Variants in HEMGN observed in about 807,000 individuals in gnomAD.
HEMGN encodes the protein hemogen, also known as erythroid differentiation-associated gene protein.
HEMGN carries 32 observed loss-of-function variants against 45.7 expected under a neutral mutation model. That is an observed-to-expected ratio of 0.70 (90% CI 0.53 to 0.94). The LOEUF (loss-of-function observed/expected upper bound fraction) is 0.94, where lower values mean the gene tolerates loss of function less well. Among genes scored for constraint, HEMGN ranks in the 40% least tolerant of loss-of-function variants. HEMGN has a pLI of 0.00. For missense variants in HEMGN, 530 were observed against 564.2 expected (o/e 0.94, Z 0.61); for synonymous variants, 183 against 178.6 (o/e 1.02, Z -0.20).
upstream of HEMGN, among the ~76,000 whole-genome samples, chr9:97,941,961 C>T (rs897778274): frequency 6.6e-6 from 1 of 152,062 alleles, no homozygotes; most frequent in African/African-American, 2.4e-5. Flanking sequence ...AGTAACTTGG[C>T]CAAGGGCATG....
At position 97,930,578 on chromosome 9, in the gene HEMGN, C is replaced by A. The variant is rs141818371; in HGVS notation, c.817G>T (p.Asp273Tyr). The change falls in exon 3 of 4, where the codon GAC (aspartate) becomes TAC (tyrosine). Residue 273 changes from aspartate to tyrosine, a missense_variant. By Grantham distance (160) the Asp-to-Tyr change is radical. Coordinates refer to ENST00000616898, the MANE Select transcript of HEMGN (RefSeq NM_197978.3). ...KPDVPKGYILDTDQNPAEPEE... is the reference protein window; with the variant it reads ...KPDVPKGYILYTDQNPAEPEE... ...GGTTCTGCTGGATTTTGGTCTGTGT[C>A]AAGAATATAGCCTTTAGGCACATCT... 3 of 1,613,948 alleles carry A rather than the reference C, an allele frequency of 1.9e-6. No individual in the cohort carries two copies. The African/African-American group carries it at 4.0e-5, about 22-fold the overall frequency.
At chr9:97,929,655 C>A in intron 3 of HEMGN, among the ~76,000 whole-genome samples, 1 of 152,212 alleles carries the variant, frequency 6.6e-6, no homozygotes. Flanking sequence ...AATTTACCTG[C>A]TTTCCATTTA....
rs1826843677 is a variant in HEMGN at position 97,927,211 on chromosome 9, TATTGTC to T, written c.*167_*172del. 2.0e-6 allele frequency: 1 copy of T among 494,760 alleles called. No homozygotes were observed. Among genetic ancestry groups the T allele is most frequent in the African/African-American group, 2.0e-5 (1 of 51,162 alleles). The allele number at this position is 494,760 out of a possible 1,614,324, so 30.6% of individuals were successfully genotyped here. ...CACACACACACACATTCTAGCATGATATTGTCTATGTGGTAGAGCCTTAAAAAATGT... is the reference window on the plus strand; with the variant it reads ...CACACACACACACATTCTAGCATGATTATGTGGTAGAGCCTTAAAAAATGT... On this transcript the variant is annotated 3_prime_UTR_variant, in exon 4 of 4. Transcript: ENST00000616898.
upstream of HEMGN, among the ~76,000 whole-genome samples, chr9:97,940,028 T>A (rs1379458272): frequency 6.6e-6 from 1 of 152,212 alleles, no homozygotes; most frequent in Non-Finnish European, 1.5e-5. Context: ...AGTTGATATG[T>A]TTTAATTCTT....
Position 97,930,693 on chromosome 9 carries a change from T to C in HEMGN, c.702A>G (p.Gln234=). Residue 234 remains glutamine (Q), a synonymous_variant, in exon 3 of 4, where the codon CAA becomes CAG. Transcript: ENST00000616898. The stretch of plus-strand genomic sequence containing the variant: ...GAAGGATTTTGGGTACAGCAGCTTC[T>C]TGGCACATTTTAGGAGCCAGATCTT... ...KREDLAPKMC[Q]EAAVPKILPC... The C allele has an allele frequency of 6.2e-7, 1 of 1,614,236 alleles. No homozygotes were observed. Among genetic ancestry groups the C allele is most frequent in the Non-Finnish European group, 8.5e-7 (1 of 1,180,036 alleles).
intron 3 of HEMGN, among the ~76,000 whole-genome samples, chr9:97,928,211 A>G (rs1433397693): frequency 6.6e-6 from 1 of 151,936 alleles, no homozygotes; most frequent in African/African-American, 2.4e-5. Context: ...TAATTTTAGT[A>G]GAGACGGGGT....
Position 97,935,660 on chromosome 9 carries a change from G to A in HEMGN, c.173+511C>T, listed in dbSNP as rs1827044333. ...TCGCCTAATTTACAGTCATGTTATTGTACCCCCTTCCTGCATTTACATACA... is the reference window on the plus strand; with the variant it reads ...TCGCCTAATTTACAGTCATGTTATTATACCCCCTTCCTGCATTTACATACA... On this transcript the variant is annotated intron_variant, in intron 2 of 3. Coordinates refer to ENST00000616898, the MANE Select transcript of HEMGN (RefSeq NM_197978.3). Among the ~76,000 whole-genome samples the A allele has an allele frequency of 2.6e-5, 4 of 152,126 alleles. No individual in the cohort carries two copies. The South Asian group carries it at 8.3e-4, about 31-fold the overall frequency.
At chr9:97,941,114 A>G (rs1449616905), upstream of HEMGN, among the ~76,000 whole-genome samples, 1 of 152,172 alleles carries the variant, frequency 6.6e-6, no homozygotes, top group Non-Finnish European at 1.5e-5. Flanking sequence ...TGCTTTGGAG[A>G]AAACTGAGCT....
chr9:97,927,357 G>C lies in HEMGN; in HGVS notation c.*27C>G. The C allele has an allele frequency of 7.6e-7, 1 of 1,315,798 alleles. No individual in the cohort carries two copies. Among genetic ancestry groups the C allele is most frequent in the Non-Finnish European group, 1.1e-6 (1 of 926,158 alleles). 81.5% of individuals were successfully genotyped at this position (1,315,798 alleles called of 1,614,324 possible). ...AAACTATTAAGCTGTATGTTCCATT[G>C]GACCACAACTTTATGGTTGAGCATT... On this transcript the variant is annotated 3_prime_UTR_variant, in exon 4 of 4. Transcript: ENST00000616898.
At chr9:97,936,356 G>T in intron 1 of HEMGN, 92 bp from the exon 2 acceptor site, 1 of 825,732 alleles carries the variant, frequency 1.2e-6, no homozygotes, top group Non-Finnish European at 2.0e-6. Flanking sequence ...CTCTGTTCTA[G>T]GTTTTTCTCC....
At chr9:97,929,445 TC>T in intron 3 of HEMGN, among the ~76,000 whole-genome samples, 1 of 152,380 alleles carries the variant, frequency 6.6e-6, no homozygotes, top group East Asian at 1.9e-4. Context: ...GCTGAAGTTC[TC>T]AGTTATGTCT....
chr9:97,938,108 A>G lies in HEMGN; in HGVS notation c.29T>C (p.Leu10Ser), dbSNP rs1247758704. The part of the protein sequence containing the change: MDLGKDQSH[L>S]KHHQTPDPHQ... The stretch of plus-strand genomic sequence containing the variant: ...AGGGTCAGGTGTCTGATGGTGCTTC[A>G]AATGAGATTGGTCCTTTCCCAAATC... Residue 10 changes from leucine (L) to serine (S), a missense_variant, in exon 1 of 4, where the codon TTG (leucine) becomes TCG (serine). Coordinates refer to ENST00000616898, the MANE Select transcript of HEMGN (RefSeq NM_197978.3). The G allele has an allele frequency of 6.2e-6, 10 of 1,613,170 alleles. No individual in the cohort carries two copies. Among genetic ancestry groups the G allele is most frequent in the Non-Finnish European group, 8.5e-6 (10 of 1,179,426 alleles).
intron 2 of HEMGN, among the ~76,000 whole-genome samples, chr9:97,934,985 G>A (rs1827031446): frequency 6.6e-6 from 1 of 152,218 alleles, no homozygotes; most frequent in Non-Finnish European, 1.5e-5. Flanking sequence ...GCTGCGCAAG[G>A]CTGGTGTTGT....
chr9:97,939,132 T>C (rs1325636983), upstream of HEMGN, among the ~76,000 whole-genome samples: 5 of 152,192 alleles, frequency 3.3e-5, no homozygotes, highest in African/African-American at 4.8e-5. Context: ...TGGATTCAGA[T>C]TGAATTGAAG....
intron 2 of HEMGN, among the ~76,000 whole-genome samples, chr9:97,933,111 C>A (rs1727578801): frequency 6.6e-6 from 1 of 152,124 alleles, no homozygotes; most frequent in Admixed American, 6.6e-5. Flanking sequence ...AGTCTGTACT[C>A]TCTCATGGTT....
chr9:97,931,173 T>A lies in HEMGN; in HGVS notation c.222A>T (p.Arg74Ser), dbSNP rs202156150. Reference protein sequence around the residue: ...KQQRTGKGNRRGRKRQQNTEL... With the variant: ...KQQRTGKGNRSGRKRQQNTEL... ...CTGTGTTTTGTTGTCTCTTTCTGCC[T>A]CTTCGATTTCCTTTTCCTGTTCTCT... The change falls in exon 3 of 4, where the codon AGA becomes AGT. Residue 74 changes from arginine to serine, a missense_variant. By Grantham distance (110) the Arg-to-Ser change is moderately radical. Coordinates refer to ENST00000616898, the MANE Select transcript of HEMGN (RefSeq NM_197978.3). 2 of 1,611,678 alleles carry A rather than the reference T, an allele frequency of 1.2e-6. No individual in the cohort carries two copies. Among genetic ancestry groups the A allele is most frequent in the Non-Finnish European group, 1.7e-6 (2 of 1,179,530 alleles).
chr9:97,941,696 G>C (rs368917874), upstream of HEMGN, among the ~76,000 whole-genome samples: 10 of 152,316 alleles, frequency 6.6e-5, no homozygotes, highest in African/African-American at 2.4e-4. Context: ...AGCAGGCTTG[G>C]AGGAGATGAT....
At chr9:97,942,274 CTTT>C (rs56055830), upstream of HEMGN, among the ~76,000 whole-genome samples, 354 of 128,166 alleles carry the variant, frequency 2.8e-3, no homozygotes, top group Middle Eastern at 8.2e-3. Context: ...CTAATTCCTT[CTTT>C]TTTTTTTTTT....
Position 97,934,380 on chromosome 9 carries a change from G to A in HEMGN, c.173+1791C>T, listed in dbSNP as rs1416476175. Among the ~76,000 whole-genome samples the A allele has an allele frequency of 3.9e-5, 5 of 129,608 alleles. No individual in the cohort carries two copies. In the East Asian group the frequency reaches 9.2e-4, roughly 24 times the overall value. 85.0% of individuals were successfully genotyped at this position (129,608 alleles called of 152,430 possible). ...TGAATGAATGAATGAATGAGAGAAA[G>A]AGAAAAAAGAAAAGGAGAGGAGAGG... is the stretch of plus-strand genomic sequence containing the variant. On this transcript the variant is annotated intron_variant, in intron 2 of 3. Coordinates refer to ENST00000616898, the MANE Select transcript of HEMGN (RefSeq NM_197978.3).
Sources: allele counts gnomAD v4.1 joint callset (sites outside exome capture counted in the v4.1 genomes callset), GRCh38; gene constraint gnomAD v4.1.1; transcripts MANE v1.5; gene names NCBI Gene and HGNC (gene_info 2026-07-23, HGNC 2026-07-21).